The following DLGAP1 variants were observed in gnomAD, a reference collection of about 807,000 sequenced individuals.
The protein encoded by DLGAP1 is disks large-associated protein 1.
Under a neutral mutation model 90.8 loss-of-function variants are expected in DLGAP1, and 11 were observed. The ratio of observed to expected loss-of-function variants is 0.12; its 90% confidence interval spans 0.08 to 0.20. DLGAP1 has a LOEUF of 0.20. Ranked by LOEUF, DLGAP1 falls within the 10% of genes least tolerant of loss-of-function variation. The pLI is 1.00. For synonymous variants in DLGAP1, 558 were observed against 540.7 expected (o/e 1.03, Z -0.44); for missense variants, 1,050 against 1,333.8 (o/e 0.79, Z 3.31).
At chr18:3,800,579 T>C (rs1183622347) in intron 5 of DLGAP1, among the ~76,000 whole-genome samples, 1 of 152,198 alleles carries the variant, frequency 6.6e-6, no homozygotes, top group African/African-American at 2.4e-5. Flanking sequence ...ATATATAATA[T>C]ATGCTTAGAA....
chr18:4,023,346 T>G (rs2074645728), intron 2 of DLGAP1, among the ~76,000 whole-genome samples: 1 of 152,196 alleles, frequency 6.6e-6, no homozygotes, highest in Admixed American at 6.5e-5. Flanking sequence ...CTAGGAAAAC[T>G]TTGGGCTTTC....
intron 4 of DLGAP1, among the ~76,000 whole-genome samples, chr18:3,872,026 C>G (rs948447610): frequency 6.6e-6 from 1 of 151,850 alleles, no homozygotes; most frequent in African/African-American, 2.4e-5. Context: ...GAACAGTGAC[C>G]TAATATACAC....
chr18:4,355,754 T>TTC (rs1258558017), intron 1 of DLGAP1, among the ~76,000 whole-genome samples: 1 of 150,874 alleles, frequency 6.6e-6, no homozygotes, highest in Non-Finnish European at 1.5e-5. Flanking sequence ...TTTTTTTTTT[T>TTC]TTTTTTGCAA....
intron 1 of DLGAP1, among the ~76,000 whole-genome samples, chr18:4,233,204 A>G (rs969107720): frequency 6.6e-6 from 1 of 152,062 alleles, no homozygotes; most frequent in African/African-American, 2.4e-5. Context: ...GATTTTACTT[A>G]TTTCCCCAGT....
chr18:4,101,915 C>CAT (rs1233021548), intron 2 of DLGAP1, among the ~76,000 whole-genome samples: 2 of 151,620 alleles, frequency 1.3e-5, no homozygotes, highest in Admixed American at 6.6e-5. Context: ...GTGTATAATG[C>CAT]ATATATGTAT....
At position 3,880,098 on chromosome 18, in the gene DLGAP1, G is replaced by A. The variant is rs753989180; in HGVS notation, c.-30C>T. ...GACCGGAAGCAGCCGCCAGGGTCAT[G>A]GACACCCGGAAGTCAGGCTCCAGAC... On this transcript the variant is annotated 5_prime_UTR_variant, in exon 4 of 13. Transcript: ENST00000315677. 9 of 1,590,578 alleles carry A rather than the reference G, an allele frequency of 5.7e-6. No homozygotes were observed. Among genetic ancestry groups the A allele is most frequent in the Non-Finnish European group, 7.7e-6 (9 of 1,174,422 alleles).
intron 5 of DLGAP1, among the ~76,000 whole-genome samples, chr18:3,802,501 T>C (rs1196837065): frequency 6.6e-6 from 1 of 152,238 alleles, no homozygotes; most frequent in African/African-American, 2.4e-5. Context: ...TCAGACAAAA[T>C]TCCTCCTCCG....
At chr18:3,585,100 TC>T (rs1568244587) in intron 7 of DLGAP1, among the ~76,000 whole-genome samples, 1 of 152,084 alleles carries the variant, frequency 6.6e-6, no homozygotes, top group Non-Finnish European at 1.5e-5. Flanking sequence ...AGTGTCGACT[TC>T]CTCATTTTTT....
At chr18:4,341,111 A>C (rs538265746) in intron 1 of DLGAP1, among the ~76,000 whole-genome samples, 17 of 152,044 alleles carry the variant, frequency 1.1e-4, no homozygotes, top group Non-Finnish European at 2.2e-4. Flanking sequence ...GAAATTCCAT[A>C]GTCTTTCCTC....
At chr18:3,718,160 C>T (rs342483) in intron 7 of DLGAP1, among the ~76,000 whole-genome samples, 98,605 of 152,042 alleles carry the variant, frequency 0.65, 33,554 homozygotes, top group African/African-American at 0.86. Flanking sequence ...GCAAATGCAC[C>T]ATTAATAAAA....
intron 1 of DLGAP1, among the ~76,000 whole-genome samples, chr18:4,233,960 A>G (rs1039952895): frequency 1.3e-5 from 2 of 152,026 alleles, no homozygotes; most frequent in African/African-American, 2.4e-5. Flanking sequence ...CGTTTTTAAA[A>G]TATTTTGAGA....
chr18:4,055,244 G>C (rs2075196674), intron 2 of DLGAP1, among the ~76,000 whole-genome samples: 1 of 152,082 alleles, frequency 6.6e-6, no homozygotes, highest in Non-Finnish European at 1.5e-5. Context: ...AGAGAGACTG[G>C]GGACTCTGTG....
chr18:3,765,255 C>A (rs534122923), intron 5 of DLGAP1, among the ~76,000 whole-genome samples: 5 of 150,562 alleles, frequency 3.3e-5, no homozygotes, highest in African/African-American at 1.2e-4. Flanking sequence ...TTCAGCCTCC[C>A]GAGTAGCTGG....
chr18:4,036,509 A>T (rs1028739117), intron 2 of DLGAP1, among the ~76,000 whole-genome samples: 4 of 152,176 alleles, frequency 2.6e-5, no homozygotes, highest in African/African-American at 9.7e-5. Flanking sequence ...GTATATCAGT[A>T]TTTCTTTCTC....
At chr18:3,923,129 G>A (rs1820128584) in intron 3 of DLGAP1, among the ~76,000 whole-genome samples, 1 of 73,230 alleles carries the variant, frequency 1.4e-5, no homozygotes, top group Admixed American at 2.5e-4. Context: ...GAGAGAACCT[G>A]TCTCAAAAAA....
intron 5 of DLGAP1, among the ~76,000 whole-genome samples, chr18:3,785,484 A>G (rs536078028): frequency 1.3e-5 from 2 of 152,354 alleles, no homozygotes; most frequent in East Asian, 1.9e-4. Context: ...TCAATAACTC[A>G]GTGGAGTACA....
At chr18:3,644,660 G>T (rs2059056978) in intron 7 of DLGAP1, among the ~76,000 whole-genome samples, 1 of 152,198 alleles carries the variant, frequency 6.6e-6, no homozygotes, top group East Asian at 1.9e-4. Flanking sequence ...TGATCCACCC[G>T]CCTCGGCCTC....
At chr18:3,709,983 T>C (rs949166381) in intron 7 of DLGAP1, among the ~76,000 whole-genome samples, 8 of 152,160 alleles carry the variant, frequency 5.3e-5, no homozygotes, top group African/African-American at 1.9e-4. Context: ...CTCAGGTCTA[T>C]AGAAGATGAA....
chr18:3,845,242 G>A (rs766949479), intron 4 of DLGAP1: 1 of 1,612,784 alleles, frequency 6.2e-7, no homozygotes, highest in Non-Finnish European at 8.5e-7. Flanking sequence ...CTTATTAGCT[G>A]GAATGCCAAA....
Sources: gnomAD v4.1 joint callset for allele counts (sites outside exome capture counted in the v4.1 genomes callset) on GRCh38, gnomAD v4.1.1 for gene constraint, MANE v1.5 for transcripts, NCBI Gene and HGNC (gene_info 2026-07-23, HGNC 2026-07-21) for gene names.